Variants in ZNF124 observed in about 807,000 individuals in gnomAD.
ZNF124 encodes zinc finger protein HZF-16.
In ZNF124, 25 loss-of-function variants were observed where a neutral mutation model predicts 26.6. The ratio of observed to expected loss-of-function variants is 0.94; its 90% confidence interval spans 0.68 to 1.31. The LOEUF (loss-of-function observed/expected upper bound fraction) is 1.31, where lower values mean the gene tolerates loss of function less well. Among genes scored for constraint, ZNF124 ranks in the 40% most tolerant of loss-of-function variants. The pLI, the probability that ZNF124 is intolerant of heterozygous loss-of-function variation, is 0.00. For missense variants in ZNF124, 444 were observed against 422.2 expected (o/e 1.05, Z -0.45); for synonymous variants, 129 against 133.3 (o/e 0.97, Z 0.22).
Position 247,157,150 on chromosome 1 carries a change from C to G in ZNF124, c.472G>C (p.Ala158Pro), listed in dbSNP as rs1673193801. The change falls in exon 4 of 4, where the codon GCC becomes CCC. Residue 158 changes from alanine to proline, a missense_variant. Transcript: ENST00000543802. Reference sequence around the variant, plus strand: ...TTAAGAGAACGGGAAAAACCTAAGGCTTTCCCACATTCCATACATTCATAG... The same window carrying G: ...TTAAGAGAACGGGAAAAACCTAAGGGTTTCCCACATTCCATACATTCATAG... ...KPYECMECGK[A>P]LGFSRSLNRH... 6.2e-7 allele frequency: 1 copy of G among 1,613,978 alleles called. No individual in the cohort carries two copies.
chr1:247,169,587 C>G (rs375092332), intron 1 of ZNF124, among the ~76,000 whole-genome samples: 1 of 152,076 alleles, frequency 6.6e-6, no homozygotes, highest in African/African-American at 2.4e-5. Context: ...TGCCCACCCT[C>G]CCCCAGAAAC....
chr1:247,130,796 G>A (rs1672336730), intron 3 of ZNF124, among the ~76,000 whole-genome samples: 1 of 152,306 alleles, frequency 6.6e-6, no homozygotes, highest in South Asian at 2.1e-4. Flanking sequence ...ACAAAGTGGG[G>A]GCCAAGCGCG....
At position 247,123,949 on chromosome 1, in the gene ZNF124, T is replaced by C. The variant is rs938104891; in HGVS notation, c.219-78A>G. The C allele has an allele frequency of 3.6e-5, 25 of 700,832 alleles. No homozygotes were observed. The African/African-American group carries it at 4.2e-4, about 12-fold the overall frequency. The allele number at this position is 700,832 out of a possible 1,614,324, so 43.4% of individuals were successfully genotyped here. A position where few individuals can be genotyped will look rare whatever the true frequency, so the allele number is the denominator to read the frequency against. ...CTTCCTGTATTTATGCCCTTTGTGA[T>C]GTGCTTTTAGCTGGGACTACAGGCA... On this transcript the variant is annotated intron_variant, in intron 3 of 3. Coordinates refer to the ZNF124 transcript ENST00000472531.
intron 3 of ZNF124, 149 bp downstream of exon 3, chr1:247,158,857 G>C (rs1673305145): frequency 1.5e-6 from 1 of 653,828 alleles, no homozygotes; most frequent in African/African-American, 1.9e-5. Flanking sequence ...TCAAACTCCT[G>C]ACCTCAGGTG....
exon 4 of ZNF124, chr1:247,123,739 G>C (rs1672137054): frequency 3.2e-6 from 2 of 622,760 alleles, no homozygotes; most frequent in Non-Finnish European, 5.8e-6. Context: ...TAGAGAAGCT[G>C]CTTGATTCGT....
At chr1:247,123,640 C>T (rs1046902115) in exon 4 of ZNF124, 59 of 475,846 alleles carry the variant, frequency 1.2e-4, no homozygotes, top group Non-Finnish European at 1.8e-4. Context: ...GGCAGTTGTT[C>T]CAAATGGTGA....
At chr1:247,140,356 A>G (rs1672596582) in intron 3 of ZNF124, among the ~76,000 whole-genome samples, 1 of 152,042 alleles carries the variant, frequency 6.6e-6, no homozygotes, top group African/African-American at 2.4e-5. Context: ...TTTTTATATC[A>G]GTTATCTTGT....
At position 247,136,323 on chromosome 1, in the gene ZNF124, C is replaced by T. The variant is rs575680076; in HGVS notation, c.219-12452G>A. ...AGTCTCAGGATACAAAATCCCTGTG[C>T]AAAAATCACAAGCATTTGGTTACAC... On this transcript the variant is annotated intron_variant, in intron 3 of 3. Transcript: ENST00000472531. Among the ~76,000 whole-genome samples the T allele has an allele frequency of 2.6e-3, 392 of 152,060 alleles. 2 individuals are homozygous for T. Among genetic ancestry groups the T allele is most frequent in the African/African-American group, 9.0e-3 (372 of 41,520 alleles).
Position 247,168,461 on chromosome 1 carries a change from C to T in ZNF124, c.30+3387G>A, listed in dbSNP as rs1033065895. On this transcript the variant is annotated intron_variant, in intron 1 of 3. Transcript: ENST00000543802. This position sits in a 1 kb window ranked among gnomAD's most constrained non-coding sequence, Gnocchi z 4.0. The stretch of plus-strand genomic sequence containing the variant: ...GGCATGAGAATCCCTTGAACCCAGG[C>T]GACGGAAGGTTGTAGTGAGCCAAGA... Among the ~76,000 whole-genome samples, 7 of 152,160 alleles carry T rather than the reference C, an allele frequency of 4.6e-5. No individual in the cohort carries two copies. The highest frequency in any genetic ancestry group is 1.2e-4 in the African/African-American group (5 of 41,440).
intron 3 of ZNF124, among the ~76,000 whole-genome samples, chr1:247,140,540 TCTGGCCATTTGAGTTA>T (rs1339882315): frequency 1.3e-5 from 2 of 152,214 alleles, no homozygotes; most frequent in Admixed American, 6.5e-5. Context: ...CATACAACAC[TCTGGCCATTTGAGTTA>T]CTGGAGTTCT....
chr1:247,167,056 G>A lies in ZNF124; in HGVS notation c.30+4792C>T, dbSNP rs79843621. On this transcript the variant is annotated intron_variant, in intron 1 of 3. Transcript: ENST00000543802. ...AAATATCGTAGCTATTGCAACGGAT[G>A]CAGGAAAAGTATTTGGCAAATTATT... Among the ~76,000 whole-genome samples the A allele has an allele frequency of 7.0e-3, 1,063 of 152,298 alleles. 51 individuals carry two copies. The South Asian group carries it at 0.13, about 19-fold the overall frequency.
At chr1:247,157,796 T>C (rs1673236560) in intron 3 of ZNF124, among the ~76,000 whole-genome samples, 1 of 152,110 alleles carries the variant, frequency 6.6e-6, no homozygotes, top group African/African-American at 2.4e-5. Flanking sequence ...TTGGGTATTT[T>C]CTCCCTTCAA....
In ZNF124 at chr1:247,157,399, T is replaced by C; in HGVS notation, c.223A>G (p.Ile75Val). The C allele has an allele frequency of 6.4e-7, 1 of 1,552,360 alleles. No individual in the cohort carries two copies. The highest frequency in any genetic ancestry group is 8.7e-7 in the Non-Finnish European group (1 of 1,147,226). ...YKNSSRNLRH[I>V]ISHSGNNPYG... is the part of the protein sequence containing the mutation. ...GGGTTGTTTCCAGAATGAGATATGA[T>C]GTGCCTATGAAGGGATGAATGACGT... The change falls in exon 4 of 4, where the codon ATC becomes GTC. Residue 75 changes from isoleucine (I) to valine (V), a missense_variant. Coordinates refer to ENST00000543802, the MANE Select transcript of ZNF124 (RefSeq NM_001297568.2).
chr1:247,125,903 G>T (rs1330105267), intron 3 of ZNF124, among the ~76,000 whole-genome samples: 1 of 152,074 alleles, frequency 6.6e-6, no homozygotes, highest in African/African-American at 2.4e-5. Flanking sequence ...AAGGACATTT[G>T]AATAAAAGCT....
chr1:247,136,701 C>G (rs1227199252), intron 3 of ZNF124, among the ~76,000 whole-genome samples: 1 of 152,160 alleles, frequency 6.6e-6, no homozygotes, highest in Non-Finnish European at 1.5e-5. Flanking sequence ...AATCCCAGCA[C>G]TTTAGGAGGC....
downstream of ZNF124, among the ~76,000 whole-genome samples, chr1:247,154,483 A>G (rs1015006598): frequency 6.6e-6 from 1 of 152,176 alleles, no homozygotes; most frequent in African/African-American, 2.4e-5. Flanking sequence ...GAATTTCTTC[A>G]TAGCAGTTCA....
At chr1:247,158,322 TC>T (rs1160490685) in intron 3 of ZNF124, among the ~76,000 whole-genome samples, 1 of 152,030 alleles carries the variant, frequency 6.6e-6, no homozygotes. Flanking sequence ...GCTCCTTCTC[TC>T]CCCATGTGAC....
At position 247,156,564 on chromosome 1, in the gene ZNF124, C is replaced by T. The variant is rs760088955; in HGVS notation, c.*2G>A. 6.6e-6 allele frequency: 10 copies of T among 1,525,448 alleles called. No individual in the cohort carries two copies. The South Asian group carries it at 1.2e-4, about 19-fold the overall frequency. The allele number at this position is 1,525,448 out of a possible 1,614,324, so 94.5% of individuals were successfully genotyped here. A position where few individuals can be genotyped will look rare whatever the true frequency, so the allele number is the denominator to read the frequency against. On this transcript the variant is annotated 3_prime_UTR_variant, in exon 4 of 4. Transcript: ENST00000543802. ...TGACAAAAACTGTAGTGATTAAAGC[C>T]TTTACATTTTTTTACATTTATAGGG... is the stretch of plus-strand genomic sequence containing the variant.
intron 3 of ZNF124, among the ~76,000 whole-genome samples, chr1:247,139,896 A>T (rs1283864807): frequency 6.6e-6 from 1 of 152,112 alleles, no homozygotes; most frequent in Non-Finnish European, 1.5e-5. Context: ...TTTGTAGGTG[A>T]CCTGCCCTGT....
Sources: allele counts gnomAD v4.1 joint callset (sites outside exome capture counted in the v4.1 genomes callset), GRCh38; gene constraint gnomAD v4.1.1; non-coding constraint Gnocchi (gnomAD v3.1); transcripts MANE v1.5; gene names NCBI Gene and HGNC (gene_info 2026-07-23, HGNC 2026-07-21).